Variants in THSD4 observed in about 807,000 individuals in gnomAD.
THSD4 encodes thrombospondin type 1 domain containing 4.
Under a neutral mutation model 119.0 loss-of-function variants are expected in THSD4, and 69 were observed. That is an observed-to-expected ratio of 0.58 (90% CI 0.48 to 0.71). THSD4 has a LOEUF of 0.71. Ranked by LOEUF, THSD4 falls within the 30% of genes least tolerant of loss-of-function variation. The probability of loss-of-function intolerance (pLI) is 0.00; values close to 1 mark genes in which losing one functional copy is unlikely to be tolerated. For missense variants in THSD4, 1,393 were observed against 1,391.1 expected (o/e 1.00, Z -0.02); for synonymous variants, 524 against 540.4 (o/e 0.97, Z 0.42).
chr15:71,461,170 T>G (rs2047424061), intron 7 of THSD4, among the ~76,000 whole-genome samples: 1 of 152,184 alleles, frequency 6.6e-6, no homozygotes, highest in Non-Finnish European at 1.5e-5. Flanking sequence ...TAACTGGGGC[T>G]GGAAGATTTG....
chr15:71,419,438 C>T lies in THSD4; in HGVS notation c.1152+7615C>T, dbSNP rs575612612. 1.0e-4 allele frequency among the ~76,000 whole-genome samples: 11 copies of T among 107,796 alleles called. 4 individuals carry two copies. In the South Asian group the frequency reaches 1.7e-3, roughly 17 times the overall value. The allele number at this position is 107,796 out of a possible 152,430, so 70.7% of individuals were successfully genotyped here. On this transcript the variant is annotated intron_variant, in intron 7 of 17. Coordinates refer to ENST00000261862, the MANE Select transcript of THSD4 (RefSeq NM_024817.3). ...CTGGTCTTGAACTCCTAGGCTCAAGCACTTCTCCTGCCTTGGCCTCCCAAA... is the reference window on the plus strand; with the variant it reads ...CTGGTCTTGAACTCCTAGGCTCAAGTACTTCTCCTGCCTTGGCCTCCCAAA...
chr15:71,699,165 A>C (rs1004943459), intron 8 of THSD4, among the ~76,000 whole-genome samples: 2 of 151,860 alleles, frequency 1.3e-5, no homozygotes, highest in Admixed American at 6.6e-5. Context: ...TGGTGATGTC[A>C]CAGTCTCTAA....
intron 7 of THSD4, among the ~76,000 whole-genome samples, chr15:71,450,903 C>T (rs2047254804): frequency 6.6e-6 from 1 of 152,120 alleles, no homozygotes; most frequent in Non-Finnish European, 1.5e-5. Flanking sequence ...AGGAGCCGGG[C>T]GTGGCGGCAT....
intron 8 of THSD4, among the ~76,000 whole-genome samples, chr15:71,719,404 A>T (rs553040153): frequency 2.0e-5 from 3 of 152,348 alleles, no homozygotes; most frequent in Non-Finnish European, 4.4e-5. Context: ...AGAAACCATA[A>T]TTTGGACATT....
intron 6 of THSD4, among the ~76,000 whole-genome samples, chr15:71,375,052 A>G (rs933261490): frequency 6.6e-6 from 1 of 152,074 alleles, no homozygotes; most frequent in Non-Finnish European, 1.5e-5. Context: ...ATCTCCTCAC[A>G]CTCCCTTTTC....
chr15:71,347,625 T>G lies in THSD4; in HGVS notation c.1016-64062T>G, dbSNP rs529327672. On this transcript the variant is annotated intron_variant, in intron 6 of 17. Transcript: ENST00000261862. Reference sequence around the variant, plus strand: ...AGACTTGCAGGTACAGGGGCTGCCATGGGGTTTTTATATACCTGTGCAGTC... The same window carrying G: ...AGACTTGCAGGTACAGGGGCTGCCAGGGGGTTTTTATATACCTGTGCAGTC... Among the ~76,000 whole-genome samples, 50 of 152,330 alleles carry G rather than the reference T, an allele frequency of 3.3e-4. 3 individuals carry two copies. In the South Asian group the frequency reaches 9.8e-3, roughly 30 times the overall value.
intron 3 of THSD4, among the ~76,000 whole-genome samples, chr15:71,191,901 C>G (rs1567152202): frequency 1.5e-5 from 1 of 65,064 alleles, no homozygotes; most frequent in Admixed American, 2.9e-4. Flanking sequence ...TCTTCTTCTT[C>G]TTCTTTTTTT....
intron 4 of THSD4, among the ~76,000 whole-genome samples, chr15:71,237,360 T>A (rs1213073605): frequency 6.6e-6 from 1 of 152,190 alleles, no homozygotes; most frequent in African/African-American, 2.4e-5. Context: ...CACAGTCTTT[T>A]GTAACAAGTC....
intron 6 of THSD4, among the ~76,000 whole-genome samples, chr15:71,395,150 C>T (rs561449775): frequency 2.0e-4 from 30 of 152,224 alleles, no homozygotes; most frequent in Non-Finnish European, 3.5e-4. Context: ...GAGTCGGATG[C>T]GGATATTCTG....
chr15:71,664,492 C>T (rs1373112475), intron 8 of THSD4, among the ~76,000 whole-genome samples: 7 of 152,004 alleles, frequency 4.6e-5, no homozygotes, highest in Admixed American at 2.6e-4. Flanking sequence ...ATTTAATCAC[C>T]TCATTTAATC....
chr15:71,494,438 T>A (rs1427920620), intron 7 of THSD4, among the ~76,000 whole-genome samples: 1 of 152,088 alleles, frequency 6.6e-6, no homozygotes, highest in African/African-American at 2.4e-5. Flanking sequence ...TGTAAGTAGC[T>A]CCCCAATAGG....
At chr15:71,754,034 G>A (rs1407455437) in intron 14 of THSD4, among the ~76,000 whole-genome samples, 1 of 151,626 alleles carries the variant, frequency 6.6e-6, no homozygotes, top group Non-Finnish European at 1.5e-5. Flanking sequence ...AGTAGCCTAA[G>A]GGTTGGAAAC....
At position 71,420,518 on chromosome 15, in the gene THSD4, G is replaced by A. The variant is rs145337803; in HGVS notation, c.1152+8695G>A. 5.7e-5 allele frequency among the ~76,000 whole-genome samples: 6 copies of A among 105,064 alleles called. 2 individuals carry two copies. The highest frequency in any genetic ancestry group is 2.5e-4 in the Admixed American group (2 of 8,056). 68.9% of individuals were successfully genotyped at this position (105,064 alleles called of 152,430 possible). ...GACTTATTTCTGCCATTTGTTATTC[G>A]TTTTCTGATTGTTTTGTAGTCTTCT... On this transcript the variant is annotated intron_variant, in intron 7 of 17. Coordinates refer to ENST00000261862, the MANE Select transcript of THSD4 (RefSeq NM_024817.3).
chr15:71,418,590 C>T (rs2046781290), intron 7 of THSD4, among the ~76,000 whole-genome samples: 1 of 109,486 alleles, frequency 9.1e-6, no homozygotes, highest in Non-Finnish European at 2.0e-5. Context: ...ATCATCCTTG[C>T]ATCCCTGGGA....
intron 11 of THSD4, among the ~76,000 whole-genome samples, chr15:71,744,038 G>T (rs1354014519): frequency 6.6e-6 from 1 of 152,024 alleles, no homozygotes; most frequent in African/African-American, 2.4e-5. Context: ...ATCTTCCCGT[G>T]GTTGGTTCAG....
intron 7 of THSD4, among the ~76,000 whole-genome samples, chr15:71,454,192 G>T (rs925036609): frequency 3.3e-5 from 5 of 152,182 alleles, no homozygotes; most frequent in African/African-American, 1.2e-4. Flanking sequence ...AGGAGGTGGA[G>T]GTTGCAGTGA....
chr15:71,547,704 A>G (rs560835404), intron 7 of THSD4: 1 of 476,990 alleles, frequency 2.1e-6, no homozygotes, highest in East Asian at 4.3e-5. Context: ...CTGTCTGTGC[A>G]GTTGCCACAC....
intron 5 of THSD4, among the ~76,000 whole-genome samples, chr15:71,243,938 C>T (rs1181130738): frequency 6.6e-6 from 1 of 151,984 alleles, no homozygotes; most frequent in Non-Finnish European, 1.5e-5. Context: ...GTGCGCACCA[C>T]TATACCCAGC....
At chr15:71,699,580 G>A (rs923687696) in intron 8 of THSD4, among the ~76,000 whole-genome samples, 12 of 152,178 alleles carry the variant, frequency 7.9e-5, no homozygotes, top group African/African-American at 2.9e-4. Flanking sequence ...CCAAACCTGA[G>A]TCCATGCTGA....
Sources: gnomAD v4.1 joint callset for allele counts (sites outside exome capture counted in the v4.1 genomes callset) on GRCh38, gnomAD v4.1.1 for gene constraint, MANE v1.5 for transcripts, NCBI Gene and HGNC (gene_info 2026-07-23, HGNC 2026-07-21) for gene names.